The following SRCAP variants were observed in gnomAD, a reference collection of about 807,000 sequenced individuals.
SRCAP encodes the protein chromatin remodeling protein SRCAP.
SRCAP carries 46 observed loss-of-function variants against 263.1 expected under a neutral mutation model. The ratio of observed to expected loss-of-function variants is 0.17; its 90% CI spans 0.14 to 0.22. SRCAP has a LOEUF of 0.22. Among genes scored for constraint, SRCAP ranks in the 10% least tolerant of loss-of-function variants. The probability of loss-of-function intolerance (pLI) is 1.00; values close to 1 mark genes in which losing one functional copy is unlikely to be tolerated. For missense variants in SRCAP, 3,695 were observed against 4,181.9 expected, an observed-to-expected ratio of 0.88 and a Z score of 3.21; for synonymous variants, 1,813 against 1,662.1, an observed-to-expected ratio of 1.09 and a Z score of -2.21.
At chr16:30,714,587 A>C (rs1311287519) in intron 16 of SRCAP, among the ~76,000 whole-genome samples, 2 of 117,960 alleles carry the variant, frequency 1.7e-5, no homozygotes, top group African/African-American at 6.6e-5. Context: ...TGCAACCTCC[A>C]CCTCCCAGGT....
At chr16:30,702,664 A>G (rs940190622) in intron 3 of SRCAP, among the ~76,000 whole-genome samples, 10 of 142,616 alleles carry the variant, frequency 7.0e-5, no homozygotes, top group Non-Finnish European at 1.2e-4. Flanking sequence ...TCTGAGTGCA[A>G]TGGCACAATC....
chr16:30,714,174 C>T (rs1053017428), intron 16 of SRCAP, among the ~76,000 whole-genome samples: 10 of 151,446 alleles, frequency 6.6e-5, no homozygotes, highest in Non-Finnish European at 1.2e-4. Flanking sequence ...ATGCCATTCT[C>T]CTGCTTCAGC....
chr16:30,723,342 G>A (rs2053029865), intron 24 of SRCAP, 113 bp downstream of exon 24: 2 of 1,460,356 alleles, frequency 1.4e-6, no homozygotes, highest in East Asian at 2.3e-5. Context: ...GTACTGCCTT[G>A]ATTTGTAGTG....
intron 13 of SRCAP, 71 bp from the exon 14 acceptor site, chr16:30,712,608 G>A (rs2052903924): frequency 1.9e-6 from 3 of 1,604,222 alleles, no homozygotes; most frequent in Non-Finnish European, 2.6e-6. Flanking sequence ...AGGGTGGCCA[G>A]GGTTATAACT....
intron 3 of SRCAP, among the ~76,000 whole-genome samples, chr16:30,702,713 T>A (rs543742347): frequency 6.3e-4 from 94 of 148,766 alleles, no homozygotes; most frequent in African/African-American, 2.3e-3. Context: ...TTCAAGCAAT[T>A]CTCTGCCTCA....
chr16:30,720,793 C>G lies in SRCAP; in HGVS notation c.3068C>G (p.Pro1023Arg). 1 of 1,614,108 alleles carries G rather than the reference C, an allele frequency of 6.2e-7. No homozygotes were observed. The highest frequency in any genetic ancestry group is 1.3e-5 in the African/African-American group (1 of 75,030). ...CCACGGGCGCCCCTGGGCCCTGTCC[C>G]AGTTCGACCTCCTCCAGGTCCTGAG... ...NNPRAPLGPV[P>R]VRPPPGPELS... Residue 1023 changes from proline (P) to arginine (R), a missense_variant, in exon 20 of 34, where the codon CCA becomes CGA. Around this residue, in one of 12 missense-constraint regions of SRCAP, gnomAD observed 1,347 missense variants for 1,304.4 expected, o/e 1.03. Transcript: ENST00000262518.
At chr16:30,723,554 C>G (rs777546058) in intron 24 of SRCAP, 30 bp from the exon 25 acceptor site, 11 of 1,587,526 alleles carry the variant, frequency 6.9e-6, no homozygotes, top group Admixed American at 1.7e-5. Flanking sequence ...GAAAAGAATT[C>G]TGGGGCTAAC....
Position 30,736,228 on chromosome 16 carries a change from A to G in SRCAP, c.6758A>G (p.Asp2253Gly). The change falls in exon 32 of 34, where the codon GAT (aspartate) becomes GGT (glycine). Residue 2253 changes from aspartate (D) to glycine (G), a missense_variant. This residue lies in a region of SRCAP where 91 missense variants were observed against 150.6 expected (regional missense o/e 0.60). Coordinates refer to ENST00000262518, the MANE Select transcript of SRCAP (RefSeq NM_006662.3). The stretch of plus-strand genomic sequence containing the variant: ...TTGTGTCGGGCAGAAGATGAAGAGG[A>G]TATCCGTGCAGCCACCCAGGCCAAG... Reference protein sequence around the residue: ...QALCRAEDEEDIRAATQAKAE... With the variant: ...QALCRAEDEEGIRAATQAKAE... 6.2e-7 allele frequency: 1 copy of G among 1,614,110 alleles called. No individual in the cohort carries two copies.
At chr16:30,701,636 CTTTTTTTT>C (rs35698444) in intron 3 of SRCAP, among the ~76,000 whole-genome samples, 2 of 136,760 alleles carry the variant, frequency 1.5e-5, no homozygotes, top group Non-Finnish European at 3.1e-5. Context: ...TTTTTCTTTT[CTTTTTTTT>C]TTTTTTTGAA....
At position 30,733,310 on chromosome 16, in the gene SRCAP, G is replaced by A. The variant is rs773605958; in HGVS notation, c.6158G>A (p.Arg2053Gln). ...GKLQTLAVLL[R>Q]QLKAEGHRVL... is the part of the protein sequence containing the mutation. ...TTGCAGACGTTGGCAGTGCTGTTGCGGCAGCTCAAGGCAGAGGGCCACCGA... is the reference window on the plus strand; with the variant it reads ...TTGCAGACGTTGGCAGTGCTGTTGCAGCAGCTCAAGGCAGAGGGCCACCGA... The change falls in exon 28 of 34, where the codon CGG (arginine) becomes CAG (glutamine). Residue 2053 changes from arginine (R) to glutamine (Q), a missense_variant. Arg to Gln is a conservative substitution (Grantham distance 43, BLOSUM62 1). Around this residue, in one of 12 missense-constraint regions of SRCAP, gnomAD observed 138 missense variants for 254.9 expected, o/e 0.54. Coordinates refer to ENST00000262518, the MANE Select transcript of SRCAP (RefSeq NM_006662.3). This position sits in a 1 kb window ranked among gnomAD's most constrained non-coding sequence, Gnocchi z 5.3. The A allele has an allele frequency of 1.7e-5, 27 of 1,613,880 alleles. No individual in the cohort carries two copies. In the South Asian group the frequency reaches 2.3e-4, roughly 14 times the overall value.
chr16:30,711,552 C>CT lies in SRCAP; in HGVS notation c.1319-14dup. 6.4e-7 allele frequency: 1 copy of CT among 1,566,618 alleles called. No individual in the cohort carries two copies. The highest frequency in any genetic ancestry group is 8.6e-7 in the Non-Finnish European group (1 of 1,159,844). On this transcript the variant is annotated intron_variant, in intron 10 of 33. Coordinates refer to ENST00000262518, the MANE Select transcript of SRCAP (RefSeq NM_006662.3). ...TCCCTCCCCTCAGAGCAACCAAAAG[C>CT]TTTTTGTTTCTCTTCCAGGTGAGCT...
intron 18 of SRCAP, among the ~76,000 whole-genome samples, chr16:30,718,992 G>A (rs759001343): frequency 2.0e-5 from 3 of 151,468 alleles, no homozygotes; most frequent in African/African-American, 7.3e-5. Flanking sequence ...TGCGTCTTGG[G>A]TTCAAGCGAT....
Position 30,739,649 on chromosome 16 carries a change from G to C in SRCAP, c.9609G>C (p.Gly3203=), listed in dbSNP as rs753510765. The C allele has an allele frequency of 6.3e-7, 1 of 1,589,146 alleles. No individual in the cohort carries two copies. The highest frequency in any genetic ancestry group is 8.6e-7 in the Non-Finnish European group (1 of 1,168,886). ...GGCTTGTTGGGACCACCAACCAAGG[G>C]GACCAGCGCATCCTGCGCAGCAGCG... ...PRRLVGTTNQ[G]DQRILRSSAP... Residue 3203 remains glycine, a synonymous_variant, in exon 34 of 34, where the codon GGG becomes GGC. Transcript: ENST00000262518.
Position 30,724,148 on chromosome 16 carries a change from C to T in SRCAP, c.4724C>T (p.Pro1575Leu). ...PAPAQASLLA[P>L]ASSASQALAT... ...CCAGCTCAGGCTTCCCTTCTGGCTC[C>T]AGCATCTTCTGCATCTCAGGCTCTA... The change falls in exon 25 of 34, where the codon CCA (proline) becomes CTA (leucine). Residue 1575 changes from proline (P) to leucine (L), a missense_variant. Pro to Leu is a moderately conservative substitution (Grantham distance 98). Coordinates refer to ENST00000262518, the MANE Select transcript of SRCAP (RefSeq NM_006662.3). 1.2e-6 allele frequency: 2 copies of T among 1,614,146 alleles called. No individual in the cohort carries two copies. Among genetic ancestry groups the T allele is most frequent in the South Asian group, 1.1e-5 (1 of 91,084 alleles).
intron 3 of SRCAP, among the ~76,000 whole-genome samples, chr16:30,703,172 T>C (rs558215228): frequency 1.2e-4 from 18 of 151,316 alleles, no homozygotes; most frequent in Admixed American, 3.9e-4. Flanking sequence ...TATATATGTA[T>C]GTATATAAAT....
chr16:30,704,882 CTG>C (rs753423820), intron 4 of SRCAP, among the ~76,000 whole-genome samples: 5 of 152,204 alleles, frequency 3.3e-5, no homozygotes, highest in Admixed American at 3.3e-4. Context: ...ACTTTGTAAA[CTG>C]TGATGCTCTT....
intron 27 of SRCAP, among the ~76,000 whole-genome samples, chr16:30,731,505 T>C (rs2053114304): frequency 6.6e-6 from 1 of 152,184 alleles, no homozygotes; most frequent in Non-Finnish European, 1.5e-5. Flanking sequence ...AATAAATGTT[T>C]TAGTAAAAAA....
rs2053211484 is a variant in SRCAP, at chr16:30,740,247, G to A, written c.*514G>A. The A allele has an allele frequency of 6.6e-6, 1 of 152,484 alleles. No homozygotes were observed. Among genetic ancestry groups the A allele is most frequent in the Non-Finnish European group, 1.5e-5 (1 of 68,044 alleles). 9.4% of individuals were successfully genotyped at this position (152,484 alleles called of 1,614,324 possible). A position where few individuals can be genotyped will look rare whatever the true frequency, so the allele number is the denominator to read the frequency against. On this transcript the variant is annotated 3_prime_UTR_variant, in exon 34 of 34. Transcript: ENST00000262518. Reference sequence around the variant, plus strand: ...ATCCTAGCACCTGATCTCTAGCCCAGGACTATATGTTCCAGGCAGAAATCT... The same window carrying A: ...ATCCTAGCACCTGATCTCTAGCCCAAGACTATATGTTCCAGGCAGAAATCT...
At chr16:30,713,977 A>G (rs1357802610) in intron 16 of SRCAP, among the ~76,000 whole-genome samples, 1 of 150,160 alleles carries the variant, frequency 6.7e-6, no homozygotes, top group African/African-American at 2.4e-5. Flanking sequence ...CATTCACTGC[A>G]AACTCCGCCT....
Sources: allele counts gnomAD v4.1 joint callset (sites outside exome capture counted in the v4.1 genomes callset), GRCh38; gene constraint gnomAD v4.1.1; regional missense constraint gnomAD v4.1.1; non-coding constraint Gnocchi (gnomAD v3.1); transcripts MANE v1.5; gene names NCBI Gene and HGNC (gene_info 2026-07-23, HGNC 2026-07-21).